Variants in RBM47 observed in about 807,000 individuals in gnomAD.
The protein encoded by RBM47 is RNA binding motif protein 47.
Under a neutral mutation model 47.1 loss-of-function variants are expected in RBM47, and 21 were observed. The observed-to-expected ratio is 0.45, with a 90% CI of 0.32 to 0.64. The LOEUF (loss-of-function observed/expected upper bound fraction) is 0.64, where lower values mean the gene tolerates loss of function less well. Ranked by LOEUF, RBM47 falls within the 30% of genes least tolerant of loss-of-function variation. RBM47 has a pLI of 0.05. For synonymous variants in RBM47, 375 were observed against 361.7 expected (o/e 1.04, Z -0.42); for missense variants, 708 against 870.9 (o/e 0.81, Z 2.35).
intron 3 of RBM47, among the ~76,000 whole-genome samples, chr4:40,449,606 C>T (rs1241149784): frequency 2.6e-5 from 4 of 152,154 alleles, no homozygotes; most frequent in Admixed American, 6.5e-5. Flanking sequence ...GCCACCCTCC[C>T]GAAAGGGGTG....
chr4:40,454,122 A>C (rs1715872262), intron 3 of RBM47, among the ~76,000 whole-genome samples: 1 of 152,166 alleles, frequency 6.6e-6, no homozygotes, highest in South Asian at 2.1e-4. Flanking sequence ...GGCTGCATTT[A>C]TGGGGACGGT....
At position 40,453,850 on chromosome 4, in the gene RBM47, T is replaced by A. The variant is rs191093069; in HGVS notation, c.-32+12727A>T. ...CTCTCAGAGGTCAAATTTTTTTTTT[T>A]AAAAAAAGAAAGAAATAATCTCTCC... On this transcript the variant is annotated intron_variant, in intron 3 of 6. Coordinates refer to ENST00000295971, the MANE Select transcript of RBM47 (RefSeq NM_001098634.2). Among the ~76,000 whole-genome samples, 1,265 of 151,562 alleles carry A rather than the reference T, an allele frequency of 8.3e-3. 11 individuals carry two copies. The highest frequency in any genetic ancestry group is 0.028 in the African/African-American group (1,130 of 40,994).
chr4:40,473,791 T>C (rs892439515), intron 2 of RBM47, among the ~76,000 whole-genome samples: 1 of 152,218 alleles, frequency 6.6e-6, no homozygotes, highest in Admixed American at 6.5e-5. Context: ...GCTTAGTTAA[T>C]AATCTCTAAT....
intron 3 of RBM47, among the ~76,000 whole-genome samples, chr4:40,451,172 C>G (rs1021453469): frequency 8.0e-6 from 1 of 125,486 alleles, no homozygotes; most frequent in Admixed American, 9.7e-5. Flanking sequence ...CATGGCAAGG[C>G]GCAGTAGCTA....
intron 6 of RBM47, among the ~76,000 whole-genome samples, chr4:40,431,805 G>A (rs923844474): frequency 6.6e-6 from 1 of 152,096 alleles, no homozygotes; most frequent in African/African-American, 2.4e-5. Context: ...GAAGAGATAG[G>A]GGAACAGTGG....
intron 3 of RBM47, among the ~76,000 whole-genome samples, chr4:40,445,751 T>C (rs1714448528): frequency 6.6e-6 from 1 of 152,218 alleles, no homozygotes. Context: ...CCATATACCA[T>C]CAGAATTTTG....
chr4:40,599,190 G>A (rs62301871), intron 1 of RBM47, among the ~76,000 whole-genome samples: 29,218 of 149,590 alleles, frequency 0.2, 3,323 homozygotes, highest in Admixed American at 0.25. Context: ...CCCAGGAGGC[G>A]GAGGTTGCAG....
At chr4:40,434,740 ATCATC>A in intron 5 of RBM47, among the ~76,000 whole-genome samples, 1 of 151,744 alleles carries the variant, frequency 6.6e-6, no homozygotes, top group African/African-American at 2.4e-5. Flanking sequence ...CATTACTAGA[ATCATC>A]AAAAGAAAGT....
At chr4:40,557,073 T>C (rs1730171821) in intron 1 of RBM47, among the ~76,000 whole-genome samples, 1 of 152,150 alleles carries the variant, frequency 6.6e-6, no homozygotes, top group Admixed American at 6.6e-5. Flanking sequence ...AATTTATGCT[T>C]CAACTTTTCT....
rs1449415136 is a variant in RBM47 at position 40,628,657 on chromosome 4, C to T, written c.-240+739G>A. On this transcript the variant is annotated intron_variant, in intron 1 of 6. Coordinates refer to ENST00000295971, the MANE Select transcript of RBM47 (RefSeq NM_001098634.2). The surrounding 1 kb of genome is among the most constrained non-coding windows in gnomAD (Gnocchi z 4.0). ...AAAACAGTGAGTCATTAAAATACCA[C>T]CAGATAAAAAAAAAAGGTTTGATTT... Among the ~76,000 whole-genome samples, 2 of 143,836 alleles carry T rather than the reference C, an allele frequency of 1.4e-5. No homozygotes were observed. Among genetic ancestry groups the T allele is most frequent in the African/African-American group, 5.8e-5 (2 of 34,606 alleles). The allele number at this position is 143,836 out of a possible 152,430, so 94.4% of individuals were successfully genotyped here. A position where few individuals can be genotyped will look rare whatever the true frequency, so the allele number is the denominator to read the frequency against.
intron 1 of RBM47, among the ~76,000 whole-genome samples, chr4:40,545,098 C>T (rs1728896630): frequency 7.0e-6 from 1 of 143,310 alleles, no homozygotes; most frequent in African/African-American, 2.6e-5. Flanking sequence ...GTCACCCAGG[C>T]TGGAGTGCAG....
intron 2 of RBM47, among the ~76,000 whole-genome samples, chr4:40,518,158 CTTTTTTTTTTTTTTTTTT>C (rs530465415): frequency 1.4e-4 from 10 of 70,682 alleles, no homozygotes; most frequent in Admixed American, 2.3e-4. Context: ...CTTTTCTTTT[CTTTTTTTTTTTTTTTTTT>C]TTTTTTTTTT....
chr4:40,496,530 C>CA (rs1342109541), intron 2 of RBM47, among the ~76,000 whole-genome samples: 1 of 152,130 alleles, frequency 6.6e-6, no homozygotes, highest in Admixed American at 6.5e-5. Flanking sequence ...CCAACCATTG[C>CA]AATTGTTCAG....
rs56054491 is a variant in RBM47 at position 40,600,985 on chromosome 4, C to CAAAAAAAAAAAAAAAAAAAA, written c.-240+28410_-240+28411insTTTTTTTTTTTTTTTTTTTT. ...AGGCAACAAGAGTGAAACTCCGTCTCAAAAAAAAAAAAAAAAAGAAAGAAG... is the reference window on the plus strand; with the variant it reads ...AGGCAACAAGAGTGAAACTCCGTCTCAAAAAAAAAAAAAAAAAAAAAAAAAAAAAAAAAAAAAGAAAGAAG... On this transcript the variant is annotated intron_variant, in intron 1 of 6. Transcript: ENST00000295971. Among the ~76,000 whole-genome samples, 37 of 50,016 alleles carry CAAAAAAAAAAAAAAAAAAAA rather than the reference C, an allele frequency of 7.4e-4. 1 individual carries two copies. The highest frequency in any genetic ancestry group is 1.1e-3 in the Non-Finnish European group (28 of 25,990). The allele number at this position is 50,016 out of a possible 152,430, so 32.8% of individuals were successfully genotyped here.
At chr4:40,480,906 G>A (rs1017924128) in intron 2 of RBM47, among the ~76,000 whole-genome samples, 1 of 152,060 alleles carries the variant, frequency 6.6e-6, no homozygotes, top group African/African-American at 2.4e-5. Flanking sequence ...CTATTACCAA[G>A]TCACATATCA....
At chr4:40,575,630 A>G (rs1732225779) in intron 1 of RBM47, among the ~76,000 whole-genome samples, 1 of 151,824 alleles carries the variant, frequency 6.6e-6, no homozygotes, top group Non-Finnish European at 1.5e-5. Flanking sequence ...TTAAAATTTG[A>G]ATACTTAATG....
At chr4:40,492,350 G>A (rs1473519930) in intron 2 of RBM47, among the ~76,000 whole-genome samples, 4 of 152,036 alleles carry the variant, frequency 2.6e-5, no homozygotes, top group Admixed American at 1.3e-4. Context: ...GTGACAGAGC[G>A]AGACCCTGTG....
At chr4:40,568,247 G>A (rs1316793399) in intron 1 of RBM47, among the ~76,000 whole-genome samples, 1 of 151,004 alleles carries the variant, frequency 6.6e-6, no homozygotes, top group Admixed American at 6.6e-5. Flanking sequence ...GCAACATGGC[G>A]AAACCCATTC....
intron 2 of RBM47, among the ~76,000 whole-genome samples, chr4:40,499,729 T>C (rs570357976): frequency 1.8e-4 from 28 of 152,312 alleles, no homozygotes; most frequent in African/African-American, 6.0e-4. Flanking sequence ...TTTAAAAAAT[T>C]AAGTTCTATG....
Sources: gnomAD v4.1 joint callset for allele counts (sites outside exome capture counted in the v4.1 genomes callset) on GRCh38, gnomAD v4.1.1 for gene constraint, Gnocchi (gnomAD v3.1) non-coding constraint, MANE v1.5 for transcripts, NCBI Gene and HGNC (gene_info 2026-07-23, HGNC 2026-07-21) for gene names.